ZDHHC3: variants seen among roughly 807,000 people sequenced by gnomAD.
ZDHHC3 encodes the protein palmitoyltransferase ZDHHC3.
Under a neutral mutation model 30.6 loss-of-function variants are expected in ZDHHC3, and 9 were observed. That is an observed-to-expected ratio of 0.29 (90% confidence interval 0.18 to 0.51). The LOEUF is 0.51. Among genes scored for constraint, ZDHHC3 ranks in the 20% least tolerant of loss-of-function variants. The probability of loss-of-function intolerance (pLI) is 0.97; values close to 1 mark genes in which losing one functional copy is unlikely to be tolerated. For synonymous variants in ZDHHC3, 136 were observed against 140.2 expected (o/e 0.97, Z 0.21); for missense variants, 246 against 384.2 (o/e 0.64, Z 3.01).
chr3:44,935,769 C>G (rs1701908542), intron 3 of ZDHHC3, among the ~76,000 whole-genome samples: 1 of 152,160 alleles, frequency 6.6e-6, no homozygotes, highest in Non-Finnish European at 1.5e-5. Context: ...GGGGAAAAGA[C>G]TCCCTATTCA....
At chr3:44,932,826 G>A in intron 5 of ZDHHC3, 1 of 1,367,246 alleles carries the variant, frequency 7.3e-7, no homozygotes. Context: ...ATTGGAACCG[G>A]CCTCTGTGCT....
At chr3:44,958,860 C>A (rs1704197796) in intron 2 of ZDHHC3, among the ~76,000 whole-genome samples, 1 of 152,190 alleles carries the variant, frequency 6.6e-6, no homozygotes, top group African/African-American at 2.4e-5. Context: ...CAGACCAAAC[C>A]CCTCCCAGAG....
chr3:44,965,012 C>T (rs1311975826), intron 1 of ZDHHC3, among the ~76,000 whole-genome samples: 1 of 152,116 alleles, frequency 6.6e-6, no homozygotes, highest in Non-Finnish European at 1.5e-5. Context: ...AACGGATCCA[C>T]AGGCCCAGAG....
At chr3:44,961,506 T>G (rs745773688) in intron 1 of ZDHHC3, among the ~76,000 whole-genome samples, 7 of 152,198 alleles carry the variant, frequency 4.6e-5, no homozygotes, top group Non-Finnish European at 1.0e-4. Flanking sequence ...ACAGTGGCAA[T>G]GTAGTCCTGC....
In ZDHHC3 at chr3:44,945,159, T is replaced by C; in HGVS notation, c.431+9A>G. On this transcript the variant is annotated intron_variant, in intron 3 of 6. Coordinates refer to ENST00000424952, the MANE Select transcript of ZDHHC3 (RefSeq NM_001135179.2). ...GGAGAAGAGAGGAGGCGAGCCCCAG[T>C]GAGTGTACCTGCAGTGGTGGGCTCG... 2 of 1,613,720 alleles carry C rather than the reference T, an allele frequency of 1.2e-6. No individual in the cohort carries two copies. Among genetic ancestry groups the C allele is most frequent in the Non-Finnish European group, 1.7e-6 (2 of 1,179,980 alleles).
intron 3 of ZDHHC3, among the ~76,000 whole-genome samples, chr3:44,943,298 G>C (rs1405452016): frequency 2.6e-5 from 4 of 152,238 alleles, no homozygotes; most frequent in Non-Finnish European, 4.4e-5. Flanking sequence ...ACTCACTGCT[G>C]TGTGACCGTG....
At chr3:44,968,275 G>C (rs1705124417) in intron 1 of ZDHHC3, among the ~76,000 whole-genome samples, 1 of 151,994 alleles carries the variant, frequency 6.6e-6, no homozygotes, top group African/African-American at 2.4e-5. Context: ...CTAAAGTGAG[G>C]GGGATGGACT....
intron 1 of ZDHHC3, among the ~76,000 whole-genome samples, chr3:44,968,985 A>G (rs1180682222): frequency 2.0e-5 from 3 of 152,182 alleles, no homozygotes; most frequent in Admixed American, 6.5e-5. Context: ...TAACTACTAC[A>G]ATCTGTTTAA....
intron 2 of ZDHHC3, among the ~76,000 whole-genome samples, chr3:44,949,723 G>C (rs941803546): frequency 5.9e-5 from 9 of 152,366 alleles, no homozygotes; most frequent in African/African-American, 1.9e-4. Flanking sequence ...GTTTCATGAA[G>C]GTGAGGCAGG....
chr3:44,948,481 G>T (rs959977810), intron 2 of ZDHHC3, among the ~76,000 whole-genome samples: 1 of 152,182 alleles, frequency 6.6e-6, no homozygotes, highest in Non-Finnish European at 1.5e-5. Context: ...CTCTCCTGAA[G>T]GTCTACACCA....
At chr3:44,930,734 G>C (rs1461465257) in intron 5 of ZDHHC3, among the ~76,000 whole-genome samples, 3 of 152,204 alleles carry the variant, frequency 2.0e-5, no homozygotes, top group African/African-American at 7.2e-5. Context: ...GTTTCCCTGG[G>C]AACTTATCGA....
intron 4 of ZDHHC3, 26 bp downstream of exon 4, chr3:44,933,857 GGGGCA>G: frequency 6.3e-7 from 1 of 1,596,104 alleles, no homozygotes; most frequent in Non-Finnish European, 8.6e-7. Flanking sequence ...TGCTTCATGG[GGGGCA>G]GGGCAGAATT....
At chr3:44,936,871 T>G (rs1559672984) in intron 3 of ZDHHC3, among the ~76,000 whole-genome samples, 1 of 148,594 alleles carries the variant, frequency 6.7e-6, no homozygotes. Context: ...AAATAAAAGT[T>G]AAAACCCCCC....
intron 1 of ZDHHC3, among the ~76,000 whole-genome samples, chr3:44,971,952 C>T (rs1242328161): frequency 2.0e-5 from 3 of 151,966 alleles, no homozygotes; most frequent in African/African-American, 2.4e-5. Flanking sequence ...ACTCAAACTC[C>T]GGGGCTTAAG....
At chr3:44,957,075 G>A (rs1205987496) in intron 2 of ZDHHC3, among the ~76,000 whole-genome samples, 4 of 152,082 alleles carry the variant, frequency 2.6e-5, no homozygotes, top group Admixed American at 2.0e-4. Flanking sequence ...TGCCTGGCTT[G>A]TAGCTTCATG....
chr3:44,925,380 A>C lies in ZDHHC3; in HGVS notation c.*1309T>G. On this transcript the variant is annotated 3_prime_UTR_variant, in exon 7 of 7. Transcript: ENST00000424952. ...GGTTTCTGGCAATTGCTTAAAAAAC[A>C]AATCAATGTGTGAGAATTCCCCGAT... 1.0e-6 allele frequency: 1 copy of C among 985,820 alleles called. No individual in the cohort carries two copies. The highest frequency in any genetic ancestry group is 1.2e-6 in the Non-Finnish European group (1 of 829,954). The allele number at this position is 985,820 out of a possible 1,614,324, so 61.1% of individuals were successfully genotyped here.
In ZDHHC3 at chr3:44,923,381, G is replaced by A; in HGVS notation, c.*3308C>T. On this transcript the variant is annotated 3_prime_UTR_variant, in exon 7 of 7. Transcript: ENST00000424952. Reference sequence around the variant, plus strand: ...GTGAGGGATGTCCACAGTGAGAAGTGTCCGCGCCCGGCTTAAAATGTTTGT... The same window carrying A: ...GTGAGGGATGTCCACAGTGAGAAGTATCCGCGCCCGGCTTAAAATGTTTGT... 3 of 985,388 alleles carry A rather than the reference G, an allele frequency of 3.0e-6. No homozygotes were observed. Among genetic ancestry groups the A allele is most frequent in the Non-Finnish European group, 3.6e-6 (3 of 829,928 alleles). 61.0% of individuals were successfully genotyped at this position (985,388 alleles called of 1,614,324 possible). A position where few individuals can be genotyped will look rare whatever the true frequency, so the allele number is the denominator to read the frequency against.
Position 44,918,996 on chromosome 3 carries a change from G to A in ZDHHC3, c.*7693C>T, listed in dbSNP as rs991892819. On this transcript the variant is annotated 3_prime_UTR_variant, in exon 7 of 7. Coordinates refer to ENST00000424952, the MANE Select transcript of ZDHHC3 (RefSeq NM_001135179.2). ...AAGGGAATTTGCTGTGGGTTTGCTGGGCTTGGGCACTGCTCCTTCACATGA... is the reference window on the plus strand; with the variant it reads ...AAGGGAATTTGCTGTGGGTTTGCTGAGCTTGGGCACTGCTCCTTCACATGA... 20 of 985,472 alleles carry A rather than the reference G, an allele frequency of 2.0e-5. No individual in the cohort carries two copies. The highest frequency in any genetic ancestry group is 2.4e-5 in the Non-Finnish European group (20 of 829,988). 61.0% of individuals were successfully genotyped at this position (985,472 alleles called of 1,614,324 possible). A position where few individuals can be genotyped will look rare whatever the true frequency, so the allele number is the denominator to read the frequency against.
chr3:44,930,025 G>A (rs574608636), intron 5 of ZDHHC3, among the ~76,000 whole-genome samples: 30 of 152,294 alleles, frequency 2.0e-4, no homozygotes, highest in South Asian at 6.2e-4. Context: ...CACTGCCCCC[G>A]CTCCCAGGGA....
Sources: gnomAD v4.1 joint callset for allele counts (sites outside exome capture counted in the v4.1 genomes callset) on GRCh38, gnomAD v4.1.1 for gene constraint, MANE v1.5 for transcripts, NCBI Gene and HGNC (gene_info 2026-07-23, HGNC 2026-07-21) for gene names.